Variants in PRX observed in about 807,000 individuals in gnomAD.
The protein encoded by PRX is periaxin.
A neutral mutation model predicts 29.6 loss-of-function variants in PRX; 24 were observed. The ratio of observed to expected loss-of-function variants is 0.81; its 90% CI spans 0.59 to 1.14. PRX has a LOEUF of 1.14. Among genes scored for constraint, PRX ranks in the 50% most tolerant of loss-of-function variants. PRX has a pLI of 0.00. For synonymous variants in PRX, 772 were observed against 831.7 expected, an observed-to-expected ratio of 0.93 and a Z score of 1.24; for missense variants, 1,838 against 1,926.4, an observed-to-expected ratio of 0.95 and a Z score of 0.86.
At position 40,396,268 on chromosome 19, in the gene PRX, T is replaced by G. The variant is rs2079434887; in HGVS notation, c.2084A>C (p.Lys695Thr). Residue 695 changes from lysine (K) to threonine (T), a missense_variant, in exon 7 of 7, where the codon AAG becomes ACG. By Grantham distance (78) the Lys-to-Thr change is moderately conservative. Transcript: ENST00000324001. ...LPKVSEMKLP[K>T]VPEMAVPDVH... is the part of the protein sequence containing the mutation. Reference sequence around the variant, plus strand: ...ATCGGGCACGGCCATTTCAGGCACCTTGGGGAGTTTCATCTCTGAGACTTT... The same window carrying G: ...ATCGGGCACGGCCATTTCAGGCACCGTGGGGAGTTTCATCTCTGAGACTTT... 1 of 1,613,532 alleles carries G rather than the reference T, an allele frequency of 6.2e-7. No homozygotes were observed. Among genetic ancestry groups the G allele is most frequent in the Non-Finnish European group, 8.5e-7 (1 of 1,179,906 alleles).
rs202119177 is a variant in PRX at position 40,394,644 on chromosome 19, C to T, written c.3708G>A (p.Ala1236=). 632 of 1,607,006 alleles carry T rather than the reference C, an allele frequency of 3.9e-4. No homozygotes were observed. The highest frequency in any genetic ancestry group is 6.6e-4 in the Middle Eastern group (4 of 6,082). Residue 1236 remains alanine, a synonymous_variant, in exon 7 of 7, where the codon GCG becomes GCA. Coordinates refer to ENST00000324001, the MANE Select transcript of PRX (RefSeq NM_181882.3). The surrounding 1 kb of genome is among the most constrained non-coding windows in gnomAD (Gnocchi z 5.8). The part of the protein sequence containing the change: ...GLSREAQAGE[A]ATGEGGLRLK... ...GCCTCAGCCCACCCTCGCCTGTGGC[C>T]GCCTCGCCCGCCTGTGCCTCTCGGC...
rs1189628697 is a variant in PRX at position 40,395,392 on chromosome 19, G to A, written c.2960C>T (p.Pro987Leu). The change falls in exon 7 of 7, where the codon CCT (proline) becomes CTT (leucine). Residue 987 changes from proline to leucine, a missense_variant. This residue lies in a region of PRX where 1,143 missense variants were observed against 1,193.0 expected (regional missense o/e 0.96). Transcript: ENST00000324001. ...AKGAGEAGLLPALDLSIPQLS... is the reference protein window; with the variant it reads ...AKGAGEAGLLLALDLSIPQLS... ...CTGTGGGATGGACAGATCGAGGGCA[G>A]GCAGCAGGCCTGCCTCCCCAGCCCC... is the stretch of plus-strand genomic sequence containing the variant. 1.9e-6 allele frequency: 3 copies of A among 1,613,754 alleles called. No homozygotes were observed. The African/African-American group carries it at 4.0e-5, about 22-fold the overall frequency.
chr19:40,403,964 T>A, intron 4 of PRX, 102 bp from the exon 5 acceptor site: 1 of 1,337,446 alleles, frequency 7.5e-7, no homozygotes, highest in Non-Finnish European at 1.0e-6. Flanking sequence ...TATATGTTTA[T>A]ATATATTTAG....
intron 4 of PRX, among the ~76,000 whole-genome samples, chr19:40,406,762 C>G (rs960881127): frequency 6.8e-6 from 1 of 147,228 alleles, no homozygotes; most frequent in Non-Finnish European, 1.5e-5. Flanking sequence ...GAGATCATTA[C>G]CTCCATTTCT....
rs2079468767 is a variant in PRX at position 40,398,939 on chromosome 19, C to A, written c.185-123G>T. ...GCCCCAAATTTTAGTTTCTCCAATC[C>A]CCAGCGCAGGATTAAGTCGCAGTTA... On this transcript the variant is annotated intron_variant, in intron 5 of 6. Transcript: ENST00000324001. This position sits in a 1 kb window ranked among gnomAD's most constrained non-coding sequence, Gnocchi z 6.3. 1 of 1,532,880 alleles carries A rather than the reference C, an allele frequency of 6.5e-7. No individual in the cohort carries two copies. The highest frequency in any genetic ancestry group is 1.4e-5 in the African/African-American group (1 of 72,794). 95.0% of individuals were successfully genotyped at this position (1,532,880 alleles called of 1,614,324 possible). A position where few individuals can be genotyped will look rare whatever the true frequency, so the allele number is the denominator to read the frequency against.
chr19:40,410,852 T>C (rs1325102474), intron 1 of PRX, among the ~76,000 whole-genome samples: 1 of 152,084 alleles, frequency 6.6e-6, no homozygotes, highest in Non-Finnish European at 1.5e-5. Flanking sequence ...GCCTGTGCGA[T>C]AGAGCGAGAC....
Position 40,408,209 on chromosome 19 carries a change from C to A in PRX, c.-151G>T. 1.7e-6 allele frequency: 1 copy of A among 575,432 alleles called. No homozygotes were observed. Among genetic ancestry groups the A allele is most frequent in the Non-Finnish European group, 3.1e-6 (1 of 319,546 alleles). 35.6% of individuals were successfully genotyped at this position (575,432 alleles called of 1,614,324 possible). A position where few individuals can be genotyped will look rare whatever the true frequency, so the allele number is the denominator to read the frequency against. ...CTAACAGGAGCCCAGCCCGAGGTGC[C>A]GCACAGCTGTCTGCAGGGCTCACGC... On this transcript the variant is annotated 5_prime_UTR_variant, in exon 3 of 7. Transcript: ENST00000324001.
rs374232032 is a variant in PRX at position 40,396,296 on chromosome 19, G to A, written c.2056C>T (p.Pro686Ser). The change falls in exon 7 of 7, where the codon CCA becomes TCA. Residue 686 changes from proline (P) to serine (S), a missense_variant. Transcript: ENST00000324001. ...PEVRLPEVQLPKVSEMKLPKV... is the reference protein window; with the variant it reads ...PEVRLPEVQLSKVSEMKLPKV... ...GGGAGTTTCATCTCTGAGACTTTTG[G>A]CAGCTGCACCTCGGGGAGTCGAACC... 1 of 1,606,992 alleles carries A rather than the reference G, an allele frequency of 6.2e-7. No individual in the cohort carries two copies. Among genetic ancestry groups the A allele is most frequent in the South Asian group, 1.1e-5 (1 of 90,840 alleles).
At position 40,411,278 on chromosome 19, in the gene PRX, G is replaced by A. The variant is rs182939267; in HGVS notation, c.-243+2060C>T. The stretch of plus-strand genomic sequence containing the variant: ...GGTGCCGGGCCTGGACCGGGCAGGC[G>A]CTTTACATACTTGACCTTGTGGGAC... On this transcript the variant is annotated intron_variant, in intron 1 of 6. Coordinates refer to ENST00000324001, the MANE Select transcript of PRX (RefSeq NM_181882.3). Among the ~76,000 whole-genome samples, 762 of 152,244 alleles carry A rather than the reference G, an allele frequency of 5.0e-3. 9 individuals are homozygous for A. Among genetic ancestry groups the A allele is most frequent in the Middle Eastern group, 6.8e-3 (2 of 294 alleles).
At position 40,396,019 on chromosome 19, in the gene PRX, C is replaced by T; in HGVS notation, c.2333G>A (p.Arg778Lys). 1 of 1,614,080 alleles carries T rather than the reference C, an allele frequency of 6.2e-7. No individual in the cohort carries two copies. ...GGCCTTTAGCTGCACCTCCGGAGCC[C>T]TGGGCAGCTTCACCTCTGGTGCCTT... Reference protein sequence around the residue: ...LPKAPEVKLPRAPEVQLKATK... With the variant: ...LPKAPEVKLPKAPEVQLKATK... The change falls in exon 7 of 7, where the codon AGG becomes AAG. Residue 778 changes from arginine (R) to lysine (K), a missense_variant. Arg to Lys is a conservative substitution (Grantham distance 26, BLOSUM62 2). This residue lies in a region of PRX where 1,143 missense variants were observed against 1,193.0 expected (regional missense o/e 0.96). Coordinates refer to ENST00000324001, the MANE Select transcript of PRX (RefSeq NM_181882.3).
Position 40,395,242 on chromosome 19 carries a change from T to C in PRX, c.3110A>G (p.Glu1037Gly), listed in dbSNP as rs148600818. The C allele has an allele frequency of 2.0e-4, 322 of 1,613,998 alleles. 2 individuals are homozygous for C. In the African/African-American group the frequency reaches 3.7e-3, roughly 18 times the overall value. ...CAACTCAGCCACCCCTGGCACTAGT[T>C]CTGCTGCCTCAGTGTCCCGGCCTCT... is the stretch of plus-strand genomic sequence containing the variant. ...GVRGRDTEAA[E>G]LVPGVAELEG... is the part of the protein sequence containing the mutation. Residue 1037 changes from glutamate to glycine, a missense_variant, in exon 7 of 7, where the codon GAA becomes GGA. Transcript: ENST00000324001.
In PRX at chr19:40,395,360, G is replaced by A. The variant is rs757419019; in HGVS notation, c.2992C>T (p.Leu998=). The A allele has an allele frequency of 6.2e-7, 1 of 1,613,776 alleles. No homozygotes were observed. The highest frequency in any genetic ancestry group is 1.7e-5 in the Admixed American group (1 of 60,020). The change falls in exon 7 of 7, where the codon CTG becomes TTG. Residue 998 remains leucine (L), a synonymous_variant. Coordinates refer to ENST00000324001, the MANE Select transcript of PRX (RefSeq NM_181882.3). The part of the protein sequence containing the change: ...ALDLSIPQLS[L]DAHLPSGKVE... ...TTGCCTGAGGGCAGGTGGGCATCCA[G>A]GCTGAGCTGTGGGATGGACAGATCG...
Position 40,394,015 on chromosome 19 carries a change from CCT to C in PRX, c.4335_4336del (p.Ala1447SerfsTer40), listed in dbSNP as rs778270475. ...CTCCATCCTGGCCGGGCCTGGAGCCCCTGTCTCTGAAAACCCCACGCTGGGCA... is the reference window on the plus strand; with the variant it reads ...CTCCATCCTGGCCGGGCCTGGAGCCCGTCTCTGAAAACCCCACGCTGGGCA... On this transcript the variant is annotated frameshift_variant, in exon 7 of 7. Transcript: ENST00000324001. LOFTEE classifies it high-confidence loss of function. The surrounding 1 kb of genome is among the most constrained non-coding windows in gnomAD (Gnocchi z 5.8). 1.1e-5 allele frequency: 18 copies of C among 1,613,538 alleles called. No homozygotes were observed. The highest frequency in any genetic ancestry group is 2.2e-5 in the East Asian group (1 of 44,890).
intron 5 of PRX, among the ~76,000 whole-genome samples, chr19:40,399,885 T>TTC (rs1491358615): frequency 1.5e-5 from 1 of 67,736 alleles, no homozygotes; most frequent in Admixed American, 1.3e-4. Context: ...CTTTCTTTCT[T>TTC]TCTTTCTTTC....
At chr19:40,411,369 G>C (rs998732629) in intron 1 of PRX, among the ~76,000 whole-genome samples, 1 of 152,188 alleles carries the variant, frequency 6.6e-6, no homozygotes, top group Non-Finnish European at 1.5e-5. Context: ...GTCGAGACTT[G>C]AGCCCAGGTG....
Position 40,394,132 on chromosome 19 carries a change from G to A in PRX, c.4220C>T (p.Ser1407Leu). The A allele has an allele frequency of 6.2e-7, 1 of 1,600,402 alleles. No individual in the cohort carries two copies. The highest frequency in any genetic ancestry group is 8.5e-7 in the Non-Finnish European group (1 of 1,170,724). ...CACCCTGGGGAAGCGGAACTTGGGT[G>A]ACTTCTCTCTGACGGGGGACTTGGG... ...AAPKSPVREK[S>L]PKFRFPRVSL... The change falls in exon 7 of 7, where the codon TCA (serine) becomes TTA (leucine). Residue 1407 changes from serine (S) to leucine (L), a missense_variant. Ser to Leu is a moderately radical substitution (Grantham distance 145). Coordinates refer to ENST00000324001, the MANE Select transcript of PRX (RefSeq NM_181882.3). The surrounding 1 kb of genome is among the most constrained non-coding windows in gnomAD (Gnocchi z 5.8).
At chr19:40,399,911 TTCTTTC>T in intron 5 of PRX, among the ~76,000 whole-genome samples, 2 of 119,092 alleles carry the variant, frequency 1.7e-5, no homozygotes, top group African/African-American at 6.8e-5. Flanking sequence ...TTCTTTTTCT[TTCTTTC>T]TTTCTTTCAC....
chr19:40,394,107 C>A lies in PRX; in HGVS notation c.4245G>T (p.Val1415=). Residue 1415 remains valine, a synonymous_variant, in exon 7 of 7, where the codon GTG becomes GTT. Transcript: ENST00000324001. This position sits in a 1 kb window ranked among gnomAD's most constrained non-coding sequence, Gnocchi z 5.8. ...EKSPKFRFPR[V]SLSPKARSGS... is the part of the protein sequence containing the mutation. The stretch of plus-strand genomic sequence containing the variant: ...CACTCCGGGCCTTGGGGCTTAGGGA[C>A]ACCCTGGGGAAGCGGAACTTGGGTG... 6.2e-7 allele frequency: 1 copy of A among 1,608,820 alleles called. No individual in the cohort carries two copies. The highest frequency in any genetic ancestry group is 8.5e-7 in the Non-Finnish European group (1 of 1,176,218).
rs747792711 is a variant in PRX at position 40,397,171 on chromosome 19, G to A, written c.1181C>T (p.Pro394Leu). The change falls in exon 7 of 7, where the codon CCC becomes CTC. Residue 394 changes from proline to leucine, a missense_variant. Pro to Leu is a moderately conservative substitution (Grantham distance 98). Transcript: ENST00000324001. Reference sequence around the variant, plus strand: ...CTCCAAGAGGGAAAGCCCAAAGGTGGGCATTCGAAGTCTGGGACCTTTCAC... The same window carrying A: ...CTCCAAGAGGGAAAGCCCAAAGGTGAGCATTCGAAGTCTGGGACCTTTCAC... The part of the protein sequence containing the change: ...ARVKGPRLRM[P>L]TFGLSLLEPR... 1.9e-6 allele frequency: 3 copies of A among 1,614,100 alleles called. No homozygotes were observed. In the South Asian group the frequency reaches 3.3e-5, roughly 18 times the overall value.
Sources: allele counts gnomAD v4.1 joint callset (sites outside exome capture counted in the v4.1 genomes callset), GRCh38; gene constraint gnomAD v4.1.1; regional missense constraint gnomAD v4.1.1; non-coding constraint Gnocchi (gnomAD v3.1); transcripts MANE v1.5; gene names NCBI Gene and HGNC (gene_info 2026-07-23, HGNC 2026-07-21).